FRMD4A: variants seen among roughly 807,000 people sequenced by gnomAD.
FRMD4A encodes FERM domain containing 4A.
In FRMD4A, 29 loss-of-function variants were observed where a neutral mutation model predicts 129.1. That is an observed-to-expected ratio of 0.22 (90% CI 0.17 to 0.31). The LOEUF is 0.31. FRMD4A is among the 10% of genes least tolerant of loss of function. The pLI is 1.00. For missense variants in FRMD4A, 1,272 were observed against 1,375.8 expected (o/e 0.92, Z 1.19); for synonymous variants, 634 against 571.6 (o/e 1.11, Z -1.56).
At chr10:13,942,258 G>A (rs1241072968) in intron 2 of FRMD4A, among the ~76,000 whole-genome samples, 2 of 152,148 alleles carry the variant, frequency 1.3e-5, no homozygotes, top group African/African-American at 2.4e-5. Context: ...CCCTTTCATC[G>A]CAGGCACTGT....
At chr10:14,153,587 T>C (rs546258837) in intron 2 of FRMD4A, among the ~76,000 whole-genome samples, 6 of 152,266 alleles carry the variant, frequency 3.9e-5, no homozygotes, top group East Asian at 3.9e-4. Flanking sequence ...TGGAGTCATA[T>C]ACAGACGGTC....
intron 2 of FRMD4A, among the ~76,000 whole-genome samples, chr10:14,066,688 C>T (rs1479979924): frequency 6.6e-6 from 1 of 151,984 alleles, no homozygotes; most frequent in African/African-American, 2.4e-5. Flanking sequence ...AAGGTCAAAG[C>T]AGATTGAAAA....
chr10:13,900,488 C>G (rs1360903921), intron 2 of FRMD4A, among the ~76,000 whole-genome samples: 6 of 152,184 alleles, frequency 3.9e-5, no homozygotes, highest in Admixed American at 3.9e-4. Flanking sequence ...CTGGGAGTAC[C>G]TGTATTCCAG....
At chr10:14,059,627 A>G (rs12263154) in intron 2 of FRMD4A, among the ~76,000 whole-genome samples, 5 of 152,164 alleles carry the variant, frequency 3.3e-5, no homozygotes, top group East Asian at 1.9e-4. Context: ...TGAGAAATAC[A>G]TTTCTACTGT....
At chr10:14,282,142 T>G (rs1169762808) in intron 2 of FRMD4A, among the ~76,000 whole-genome samples, 1 of 152,042 alleles carries the variant, frequency 6.6e-6, no homozygotes. Flanking sequence ...GAGAACAGTA[T>G]GGGGGAAACT....
At chr10:14,017,696 A>T (rs2095703592) in intron 2 of FRMD4A, among the ~76,000 whole-genome samples, 1 of 152,218 alleles carries the variant, frequency 6.6e-6, no homozygotes, top group Non-Finnish European at 1.5e-5. Context: ...CTTTAGGGCC[A>T]TCAGATTCCT....
chr10:13,714,740 T>C (rs911858850), intron 12 of FRMD4A, among the ~76,000 whole-genome samples: 4 of 152,084 alleles, frequency 2.6e-5, no homozygotes, highest in South Asian at 2.1e-4. Context: ...ACAAACTCTA[T>C]AGAAGTGCCG....
In FRMD4A at chr10:13,670,449, G is replaced by T. The variant is rs11258509; in HGVS notation, c.1331C>A (p.Thr444Lys). The T allele has an allele frequency of 3.7e-6, 6 of 1,613,364 alleles. No homozygotes were observed. In the East Asian group the frequency reaches 1.3e-4, roughly 36 times the overall value. The change falls in exon 17 of 25, where the codon ACA (threonine) becomes AAA (lysine). Residue 444 changes from threonine to lysine, a missense_variant. By Grantham distance (78) the Thr-to-Lys change is moderately conservative (BLOSUM62 -1). Transcript: ENST00000357447. ...EPPIVRRRIGTAFKLDEQKIL... is the reference protein window; with the variant it reads ...EPPIVRRRIGKAFKLDEQKIL... ...TTTCTGTTCATCCAGTTTGAAGGCT[G>T]TTCCTATTCTTCTCCGAACAATGGG...
chr10:14,228,032 C>G (rs7091043), intron 2 of FRMD4A, among the ~76,000 whole-genome samples: 39,751 of 151,918 alleles, frequency 0.26, 5,250 homozygotes, highest in Middle Eastern at 0.32. Context: ...TGCCACTATG[C>G]TCAGCTAATT....
intron 2 of FRMD4A, among the ~76,000 whole-genome samples, chr10:14,192,118 A>G (rs181682072): frequency 2.0e-4 from 31 of 152,300 alleles, no homozygotes; most frequent in Middle Eastern, 6.8e-3. Flanking sequence ...TTTATCCCTG[A>G]AAGTCACCAT....
At chr10:13,878,855 C>A (rs538403384) in intron 2 of FRMD4A, among the ~76,000 whole-genome samples, 4 of 64,576 alleles carry the variant, frequency 6.2e-5, no homozygotes, top group Non-Finnish European at 9.8e-5. Flanking sequence ...AAGGAAGGAA[C>A]CTGGAAATGA....
intron 12 of FRMD4A, among the ~76,000 whole-genome samples, chr10:13,716,589 C>T (rs1414160890): frequency 1.3e-5 from 2 of 152,210 alleles, no homozygotes; most frequent in Admixed American, 6.5e-5. Flanking sequence ...CATTGTCAGA[C>T]AACGCGAGCT....
At chr10:13,964,079 G>A (rs1380091371) in intron 2 of FRMD4A, among the ~76,000 whole-genome samples, 1 of 151,370 alleles carries the variant, frequency 6.6e-6, no homozygotes, top group African/African-American at 2.4e-5. Flanking sequence ...CCCAGAACCA[G>A]AGAGGAGAGG....
chr10:13,736,268 A>C (rs890739606), intron 12 of FRMD4A, among the ~76,000 whole-genome samples: 4 of 152,208 alleles, frequency 2.6e-5, no homozygotes, highest in African/African-American at 9.6e-5. Flanking sequence ...GCCACGTGGG[A>C]AAAAGGCACA....
chr10:13,841,774 C>T (rs140207074), intron 3 of FRMD4A, among the ~76,000 whole-genome samples: 52 of 152,212 alleles, frequency 3.4e-4, no homozygotes, highest in South Asian at 1.0e-3. Flanking sequence ...TGGCACTTTC[C>T]GGAGTTCTGG....
At chr10:14,095,494 C>T (rs1475123932) in intron 2 of FRMD4A, among the ~76,000 whole-genome samples, 1 of 152,184 alleles carries the variant, frequency 6.6e-6, no homozygotes, top group African/African-American at 2.4e-5. Flanking sequence ...GGGACATAAG[C>T]TATTAATATA....
intron 2 of FRMD4A, among the ~76,000 whole-genome samples, chr10:14,105,424 A>C (rs1464502043): frequency 6.6e-6 from 1 of 152,054 alleles, no homozygotes; most frequent in East Asian, 1.9e-4. Context: ...TAAAAAATAA[A>C]GTTTATTAGA....
chr10:14,098,429 A>C (rs1837115975), intron 2 of FRMD4A, among the ~76,000 whole-genome samples: 1 of 150,592 alleles, frequency 6.6e-6, no homozygotes, highest in Non-Finnish European at 1.5e-5. Flanking sequence ...TTTGAAACAG[A>C]GTCTCGCTCT....
At chr10:14,227,339 C>G (rs892685442) in intron 2 of FRMD4A, among the ~76,000 whole-genome samples, 1 of 150,254 alleles carries the variant, frequency 6.7e-6, no homozygotes, top group Non-Finnish European at 1.5e-5. Flanking sequence ...GCAATCCCCA[C>G]CTCCTGGGTT....
Sources: allele counts gnomAD v4.1 joint callset (sites outside exome capture counted in the v4.1 genomes callset), GRCh38; gene constraint gnomAD v4.1.1; transcripts MANE v1.5; gene names NCBI Gene and HGNC (gene_info 2026-07-23, HGNC 2026-07-21).